GALNT17: variants seen among roughly 807,000 people sequenced by gnomAD.
GALNT17 encodes the protein polypeptide N-acetylgalactosaminyltransferase 17.
A neutral mutation model predicts 63.7 loss-of-function variants in GALNT17; 29 were observed. The ratio of observed to expected loss-of-function variants is 0.46; its 90% confidence interval spans 0.34 to 0.62. GALNT17 has a LOEUF of 0.62. Among genes scored for constraint, GALNT17 ranks in the 20% least tolerant of loss-of-function variants. GALNT17 has a pLI of 0.01. For missense variants in GALNT17, 603 were observed against 799.6 expected (o/e 0.75, Z 2.97); for synonymous variants, 305 against 318.3 (o/e 0.96, Z 0.45).
intron 6 of GALNT17, among the ~76,000 whole-genome samples, chr7:71,609,496 CAGAG>C (rs1244590025): frequency 2.6e-5 from 4 of 152,018 alleles, no homozygotes; most frequent in Admixed American, 6.6e-5. Flanking sequence ...ACTGAGAAAA[CAGAG>C]AGAGAGAAAG....
intron 6 of GALNT17, among the ~76,000 whole-genome samples, chr7:71,621,808 T>C (rs1051333421): frequency 2.0e-5 from 3 of 152,198 alleles, no homozygotes; most frequent in Non-Finnish European, 4.4e-5. Context: ...TCCCTTGGCC[T>C]CTCTTCCAGA....
intron 4 of GALNT17, among the ~76,000 whole-genome samples, chr7:71,416,825 C>T (rs777587480): frequency 6.6e-6 from 1 of 152,162 alleles, no homozygotes. Flanking sequence ...ATGGGATTAT[C>T]TTTCACATCA....
Position 71,388,421 on chromosome 7 carries a change from G to T in GALNT17, c.589+20G>T, listed in dbSNP as rs111679808. The T allele has an allele frequency of 4.5e-4, 719 of 1,607,880 alleles. 3 individuals carry two copies. In the African/African-American group the frequency reaches 8.5e-3, roughly 19 times the overall value. ...ACGAAGGTACAGGGGTGGCTGACCT[G>T]TGCACAGGACATGATGACAGCAGGG... On this transcript the variant is annotated intron_variant, in intron 3 of 10. Coordinates refer to ENST00000333538, the MANE Select transcript of GALNT17 (RefSeq NM_022479.3).
At chr7:71,668,091 G>T (rs34609745) in intron 7 of GALNT17, among the ~76,000 whole-genome samples, 1 of 152,026 alleles carries the variant, frequency 6.6e-6, no homozygotes, top group Non-Finnish European at 1.5e-5. Context: ...GAGCCACTGC[G>T]CCTGGCCTCA....
intron 5 of GALNT17, among the ~76,000 whole-genome samples, chr7:71,485,982 T>G (rs1787901814): frequency 6.6e-6 from 1 of 152,124 alleles, no homozygotes; most frequent in African/African-American, 2.4e-5. Flanking sequence ...TTCAAACAAA[T>G]AAAGCTCCAG....
intron 6 of GALNT17, among the ~76,000 whole-genome samples, chr7:71,587,011 C>T (rs749272107): frequency 6.6e-6 from 1 of 152,008 alleles, no homozygotes; most frequent in African/African-American, 2.4e-5. Context: ...CCTCCTTTCT[C>T]CTCTCTACCT....
At chr7:71,142,414 G>A (rs114392549) in intron 1 of GALNT17, among the ~76,000 whole-genome samples, 6 of 152,122 alleles carry the variant, frequency 3.9e-5, no homozygotes, top group African/African-American at 1.4e-4. Flanking sequence ...TATAATGATG[G>A]TGCCTTTGGC....
At chr7:71,621,208 C>G (rs1337533380) in intron 6 of GALNT17, among the ~76,000 whole-genome samples, 1 of 151,886 alleles carries the variant, frequency 6.6e-6, no homozygotes, top group Non-Finnish European at 1.5e-5. Context: ...TTCTTCTGAG[C>G]GCCTTTTTTT....
At position 71,489,001 on chromosome 7, in the gene GALNT17, C is replaced by G. The variant is rs1787960696; in HGVS notation, c.962+67896C>G. On this transcript the variant is annotated intron_variant, in intron 5 of 10. Transcript: ENST00000333538. ...CTCTGCCTCCCAGATTCAAGCGATT[C>G]TCCTGCCTCAGCCTCCCAAGTACCT... 2.2e-5 allele frequency among the ~76,000 whole-genome samples: 3 copies of G among 134,390 alleles called. No individual in the cohort carries two copies. In the Admixed American group the frequency reaches 2.7e-4, roughly 12 times the overall value. The allele number at this position is 134,390 out of a possible 152,430, so 88.2% of individuals were successfully genotyped here.
In GALNT17 at chr7:71,421,237, G is replaced by C. The variant is rs565089948; in HGVS notation, c.962+132G>C. ...TGCACACAGCTCTCCAGGAGCCGCC[G>C]TTGTCTCAGGATCACAGCTTTCCTG... On this transcript the variant is annotated intron_variant, in intron 5 of 10. Transcript: ENST00000333538. 1.6e-4 allele frequency: 149 copies of C among 903,210 alleles called. No homozygotes were observed. In the African/African-American group the frequency reaches 2.2e-3, roughly 13 times the overall value. The allele number at this position is 903,210 out of a possible 1,614,324, so 55.9% of individuals were successfully genotyped here. A position where few individuals can be genotyped will look rare whatever the true frequency, so the allele number is the denominator to read the frequency against.
intron 6 of GALNT17, among the ~76,000 whole-genome samples, chr7:71,643,608 T>C (rs1204641738): frequency 6.6e-6 from 1 of 152,248 alleles, no homozygotes; most frequent in Non-Finnish European, 1.5e-5. Flanking sequence ...GGTGGCTTTC[T>C]TTCTGATCAA....
At chr7:71,280,282 T>G (rs2115749347) in intron 1 of GALNT17, among the ~76,000 whole-genome samples, 1 of 152,260 alleles carries the variant, frequency 6.6e-6, no homozygotes. Context: ...TCTTCATGGT[T>G]TCCCTGTGCA....
intron 1 of GALNT17, among the ~76,000 whole-genome samples, chr7:71,228,876 G>A (rs1372979129): frequency 6.6e-6 from 1 of 152,114 alleles, no homozygotes; most frequent in African/African-American, 2.4e-5. Flanking sequence ...ATCAGGACTT[G>A]CTATCTTTGG....
chr7:71,294,903 C>T (rs1791049880), intron 1 of GALNT17, among the ~76,000 whole-genome samples: 2 of 152,158 alleles, frequency 1.3e-5, no homozygotes, highest in Non-Finnish European at 2.9e-5. Flanking sequence ...GAAGTAATGT[C>T]ATTTAATCCC....
chr7:71,250,589 G>T (rs747320533), intron 1 of GALNT17, among the ~76,000 whole-genome samples: 3 of 152,148 alleles, frequency 2.0e-5, no homozygotes, highest in Admixed American at 6.6e-5. Context: ...TTCAGTCAAA[G>T]CATCCATTCC....
At chr7:71,432,727 G>A (rs184849689) in intron 5 of GALNT17, among the ~76,000 whole-genome samples, 3 of 152,286 alleles carry the variant, frequency 2.0e-5, no homozygotes, top group Non-Finnish European at 4.4e-5. Context: ...TAGCACTTTG[G>A]GAGGCCAAGG....
chr7:71,666,816 G>A (rs1260381446), intron 7 of GALNT17, among the ~76,000 whole-genome samples: 4 of 151,424 alleles, frequency 2.6e-5, no homozygotes, highest in African/African-American at 9.7e-5. Flanking sequence ...ATTTTTTATT[G>A]TTGTATTGTT....
At chr7:71,292,909 A>G (rs1050098262) in intron 1 of GALNT17, among the ~76,000 whole-genome samples, 10 of 151,936 alleles carry the variant, frequency 6.6e-5, no homozygotes, top group Admixed American at 6.6e-5. Flanking sequence ...CTCTACTTTT[A>G]TGAATTTGAT....
At chr7:71,257,967 T>C (rs17143004) in intron 1 of GALNT17, among the ~76,000 whole-genome samples, 8,447 of 152,220 alleles carry the variant, frequency 0.055, 797 homozygotes, top group African/African-American at 0.19. Flanking sequence ...ACCTCTGCAT[T>C]GGCCCTTTAT....
Sources: gnomAD v4.1 joint callset for allele counts (sites outside exome capture counted in the v4.1 genomes callset) on GRCh38, gnomAD v4.1.1 for gene constraint, MANE v1.5 for transcripts, NCBI Gene and HGNC (gene_info 2026-07-23, HGNC 2026-07-21) for gene names.